Variants in DLG2 observed in about 807,000 individuals in gnomAD.
The protein encoded by DLG2 is discs large MAGUK scaffold protein 2.
DLG2 carries 45 observed loss-of-function variants against 132.5 expected under a neutral mutation model. The observed-to-expected ratio is 0.34, with a 90% CI of 0.27 to 0.44. DLG2 has a LOEUF of 0.44. DLG2 is among the 20% of genes least tolerant of loss of function. DLG2 has a pLI of 1.00. For missense variants in DLG2, 1,045 were observed against 1,196.9 expected, an observed-to-expected ratio of 0.87 and a Z score of 1.87; for synonymous variants, 424 against 419.6, an observed-to-expected ratio of 1.01 and a Z score of -0.13.
At chr11:85,077,585 A>G (rs928865925) in intron 6 of DLG2, among the ~76,000 whole-genome samples, 2 of 152,094 alleles carry the variant, frequency 1.3e-5, no homozygotes. Context: ...AACCTCACTC[A>G]ATATTAATGC....
chr11:85,247,888 T>C (rs957537267), intron 4 of DLG2, among the ~76,000 whole-genome samples: 2 of 152,090 alleles, frequency 1.3e-5, no homozygotes, highest in Non-Finnish European at 2.9e-5. Flanking sequence ...CAGAGCCACA[T>C]TTTACAATCA....
intron 3 of DLG2, among the ~76,000 whole-genome samples, chr11:85,363,177 C>T (rs1382529498): frequency 6.6e-6 from 1 of 152,148 alleles, no homozygotes; most frequent in Non-Finnish European, 1.5e-5. Context: ...GTAAGTGAAA[C>T]CATCATGGTA....
intron 18 of DLG2, among the ~76,000 whole-genome samples, chr11:83,667,975 CAAAAAA>C (rs10688898): frequency 0.014 from 559 of 39,598 alleles, 10 homozygotes; most frequent in African/African-American, 0.065. Flanking sequence ...GACTCCGTCT[CAAAAAA>C]AAAAAAAAAA....
chr11:83,695,012 C>T (rs561701403), intron 18 of DLG2, among the ~76,000 whole-genome samples: 5 of 152,188 alleles, frequency 3.3e-5, no homozygotes, highest in East Asian at 1.9e-4. Flanking sequence ...ATGGTTGCTA[C>T]GAAATATTTG....
At chr11:84,218,487 T>C (rs2154321294) in intron 8 of DLG2, among the ~76,000 whole-genome samples, 1 of 152,230 alleles carries the variant, frequency 6.6e-6, no homozygotes, top group South Asian at 2.1e-4. Flanking sequence ...TGTATCTACA[T>C]ATTACTGGGT....
intron 18 of DLG2, among the ~76,000 whole-genome samples, chr11:83,720,510 T>G (rs1280403314): frequency 1.3e-5 from 2 of 151,774 alleles, no homozygotes; most frequent in Admixed American, 1.3e-4. Context: ...TTCTAAAAGC[T>G]TCATAGGCTT....
At chr11:83,964,108 A>G (rs965109721) in intron 13 of DLG2, among the ~76,000 whole-genome samples, 1 of 151,896 alleles carries the variant, frequency 6.6e-6, no homozygotes, top group Non-Finnish European at 1.5e-5. Context: ...TTACCTTACA[A>G]TGTGCCTTGT....
chr11:85,023,684 A>G (rs2060272847), intron 6 of DLG2, among the ~76,000 whole-genome samples: 1 of 152,120 alleles, frequency 6.6e-6, no homozygotes, highest in Admixed American at 6.5e-5. Flanking sequence ...CTATATATCT[A>G]TGTACTATAT....
At chr11:83,480,615 T>A in intron 22 of DLG2, 1 of 1,557,558 alleles carries the variant, frequency 6.4e-7, no homozygotes, top group Non-Finnish European at 8.7e-7. Flanking sequence ...GCTGCTTGAT[T>A]GCTGTTTCTT....
intron 3 of DLG2, among the ~76,000 whole-genome samples, chr11:85,381,898 G>C (rs1190045247): frequency 6.6e-6 from 1 of 152,008 alleles, no homozygotes; most frequent in South Asian, 2.1e-4. Context: ...ATATTGTTAA[G>C]ATGGCAATAC....
chr11:84,283,581 A>T, intron 7 of DLG2, among the ~76,000 whole-genome samples: 1 of 152,242 alleles, frequency 6.6e-6, no homozygotes, highest in East Asian at 1.9e-4. Context: ...CAGTAATTAT[A>T]TAAGGTAATT....
chr11:84,698,435 G>A (rs1031356094), intron 6 of DLG2, among the ~76,000 whole-genome samples: 9 of 151,376 alleles, frequency 5.9e-5, no homozygotes, highest in Non-Finnish European at 8.9e-5. Flanking sequence ...TAATCTATTC[G>A]TCCAATTGCT....
At chr11:83,792,160 A>G (rs7943895) in intron 17 of DLG2, among the ~76,000 whole-genome samples, 27,714 of 152,018 alleles carry the variant, frequency 0.18, 2,816 homozygotes, top group African/African-American at 0.27. Flanking sequence ...TGATGTTGTT[A>G]AGGTTGTTTC....
At chr11:84,517,058 T>TAAAAAA (rs36091027) in intron 7 of DLG2, among the ~76,000 whole-genome samples, 1 of 112,276 alleles carries the variant, frequency 8.9e-6, no homozygotes, top group Non-Finnish European at 1.8e-5. Context: ...TATTCTATCC[T>TAAAAAA]AAAAAAAAAA....
chr11:85,545,704 G>T (rs1369469100), intron 3 of DLG2, among the ~76,000 whole-genome samples: 1 of 152,082 alleles, frequency 6.6e-6, no homozygotes, highest in Admixed American at 6.6e-5. Flanking sequence ...ACTTCTTCCT[G>T]GTTTAGTCTT....
chr11:84,910,395 C>T (rs1183011805), intron 6 of DLG2, among the ~76,000 whole-genome samples: 3 of 152,086 alleles, frequency 2.0e-5, no homozygotes, highest in Admixed American at 6.5e-5. Flanking sequence ...TAGTCAAATG[C>T]TTTCCTAGAA....
intron 22 of DLG2, chr11:83,483,264 G>T: frequency 6.2e-7 from 1 of 1,612,884 alleles, no homozygotes. Context: ...CAGAGTCTTT[G>T]TTCCATAACC....
intron 6 of DLG2, among the ~76,000 whole-genome samples, chr11:84,979,676 G>A (rs2055447626): frequency 6.6e-6 from 1 of 151,924 alleles, no homozygotes; most frequent in South Asian, 2.1e-4. Context: ...GAGGGCGGAG[G>A]GATAGCATTA....
At chr11:85,525,438 A>G (rs974545835) in intron 3 of DLG2, among the ~76,000 whole-genome samples, 15 of 152,306 alleles carry the variant, frequency 9.8e-5, no homozygotes, top group Non-Finnish European at 1.3e-4. Flanking sequence ...AGTGTAGTAA[A>G]GCATGAAAAA....
Sources: allele counts gnomAD v4.1 joint callset (sites outside exome capture counted in the v4.1 genomes callset), GRCh38; gene constraint gnomAD v4.1.1; transcripts MANE v1.5; gene names NCBI Gene and HGNC (gene_info 2026-07-23, HGNC 2026-07-21).